HSPG2: variants seen among roughly 807,000 people sequenced by gnomAD.
HSPG2 encodes heparan sulfate proteoglycan 2, also known as basement membrane-specific heparan sulfate proteoglycan core protein.
In HSPG2, 278 loss-of-function variants were observed where a neutral mutation model predicts 526.6. The observed-to-expected ratio is 0.53, with a 90% CI of 0.48 to 0.58. HSPG2 has a LOEUF of 0.58. Ranked by LOEUF, HSPG2 falls within the 20% of genes least tolerant of loss-of-function variation. HSPG2 has a pLI of 0.00. For synonymous variants in HSPG2, 2,465 were observed against 2,555.4 expected, an observed-to-expected ratio of 0.96 and a Z score of 1.07; for missense variants, 5,354 against 6,099.5, an observed-to-expected ratio of 0.88 and a Z score of 4.07.
intron 21 of HSPG2, among the ~76,000 whole-genome samples, chr1:21,877,804 C>T (rs565244885): frequency 5.3e-4 from 81 of 152,242 alleles, no homozygotes; most frequent in Middle Eastern, 3.4e-3. Context: ...GGCCGATGCT[C>T]CCATTCCTAA....
rs139817278 is a variant in HSPG2 at position 21,922,527 on chromosome 1, TTGCTAGAGAGGG to T, written c.63+14616_63+14627del. Reference sequence around the variant, plus strand: ...GTGGAGGGAGCAGGAGAGAGTCCTGTTGCTAGAGAGGGTGCATCCCCCCACCACTTGAAGTAT... The same window carrying T: ...GTGGAGGGAGCAGGAGAGAGTCCTGTTGCATCCCCCCACCACTTGAAGTAT... On this transcript the variant is annotated intron_variant, in intron 1 of 96. Transcript: ENST00000374695. 0.015 allele frequency among the ~76,000 whole-genome samples: 2,355 copies of T among 152,216 alleles called. 84 individuals carry two copies. The East Asian group carries it at 0.17, about 11-fold the overall frequency.
intron 33 of HSPG2, among the ~76,000 whole-genome samples, chr1:21,871,268 T>TG (rs1352716462): frequency 5.4e-5 from 8 of 148,308 alleles, no homozygotes; most frequent in Non-Finnish European, 6.0e-5. Context: ...GTTTTTTTTT[T>TG]TTTTTTTTTG....
At chr1:21,905,757 T>C (rs1643346857) in intron 1 of HSPG2, among the ~76,000 whole-genome samples, 1 of 152,138 alleles carries the variant, frequency 6.6e-6, no homozygotes, top group Non-Finnish European at 1.5e-5. Context: ...AATAAATTGT[T>C]GAATTAATTA....
chr1:21,880,712 C>T lies in HSPG2; in HGVS notation c.1942G>A (p.Gly648Ser). 1 of 1,600,346 alleles carries T rather than the reference C, an allele frequency of 6.2e-7. No homozygotes were observed. Among genetic ancestry groups the T allele is most frequent in the Non-Finnish European group, 8.5e-7 (1 of 1,173,980 alleles). ...GCACCAGGTTGGGTGGGTGTGTGGC[C>T]TCGGGAGAGGAGGCGGTACCCGGCA... ...MGAGYRLLSR[G>S]HTPTQPGALN... The change falls in exon 15 of 97, where the codon GGC (glycine) becomes AGC (serine). Residue 648 changes from glycine (G) to serine (S), a missense_variant. Gly to Ser is a moderately conservative substitution (Grantham distance 56). Coordinates refer to ENST00000374695, the MANE Select transcript of HSPG2 (RefSeq NM_005529.7).
At chr1:21,860,753 G>C (rs562218795) in intron 39 of HSPG2, among the ~76,000 whole-genome samples, 4 of 152,286 alleles carry the variant, frequency 2.6e-5, no homozygotes, top group Admixed American at 1.3e-4. Flanking sequence ...CCAAAGTGCT[G>C]GGATTATAGG....
chr1:21,917,214 T>C (rs947372043), intron 1 of HSPG2, among the ~76,000 whole-genome samples: 3 of 151,936 alleles, frequency 2.0e-5, no homozygotes, highest in Non-Finnish European at 4.4e-5. Context: ...GGTGGATTGC[T>C]TGAGCCCAAG....
In HSPG2 at chr1:21,828,844, A is replaced by G; in HGVS notation, c.12228T>C (p.Cys4076=). 6.4e-7 allele frequency: 1 copy of G among 1,550,782 alleles called. No homozygotes were observed. The highest frequency in any genetic ancestry group is 8.7e-7 in the Non-Finnish European group (1 of 1,147,002). The stretch of plus-strand genomic sequence containing the variant: ...AGGAGGCTGCTCTTACCTCGCCCAC[A>G]CAGCCGCGGAAGTGAGCGCTCATGT... ...ATNMSAHFRG[C]VGEVSVNGKR... Residue 4076 remains cysteine (C), a synonymous_variant, in exon 88 of 97, where the codon TGT becomes TGC. Coordinates refer to ENST00000374695, the MANE Select transcript of HSPG2 (RefSeq NM_005529.7). This position sits in a 1 kb window ranked among gnomAD's most constrained non-coding sequence, Gnocchi z 6.0.
chr1:21,827,924 G>A lies in HSPG2; in HGVS notation c.12533-5C>T. 1 of 1,604,326 alleles carries A rather than the reference G, an allele frequency of 6.2e-7. No homozygotes were observed. The highest frequency in any genetic ancestry group is 8.5e-7 in the Non-Finnish European group (1 of 1,175,908). On this transcript the variant is annotated splice_polypyrimidine_tract_variant and splice_region_variant and intron_variant, in intron 90 of 96. Transcript: ENST00000374695. ...CTGCTATGCCATGTCCAGAGCCTATGGAGAAGGGCAGGGTCCAGTTGGTGG... is the reference window on the plus strand; with the variant it reads ...CTGCTATGCCATGTCCAGAGCCTATAGAGAAGGGCAGGGTCCAGTTGGTGG...
chr1:21,824,251 G>T lies in HSPG2; in HGVS notation c.12816-47C>A, dbSNP rs780522976. ...AAGTATGAGCTGGGGCAGGACCGGGGGGTGGGGTGCTGGGACCAGGGAAGG... is the reference window on the plus strand; with the variant it reads ...AAGTATGAGCTGGGGCAGGACCGGGTGGTGGGGTGCTGGGACCAGGGAAGG... On this transcript the variant is annotated intron_variant, in intron 94 of 96. Coordinates refer to ENST00000374695, the MANE Select transcript of HSPG2 (RefSeq NM_005529.7). The surrounding 1 kb of genome is among the most constrained non-coding windows in gnomAD (Gnocchi z 5.9). 3.7e-6 allele frequency: 6 copies of T among 1,612,898 alleles called. No individual in the cohort carries two copies. In the African/African-American group the frequency reaches 6.7e-5, roughly 18 times the overall value.
intron 75 of HSPG2, among the ~76,000 whole-genome samples, chr1:21,836,050 A>C (rs2098025231): frequency 6.6e-6 from 1 of 151,976 alleles, no homozygotes. Context: ...GTAGAACAGC[A>C]CGCAGTGTTG....
At chr1:21,933,544 C>A (rs573488691) in intron 1 of HSPG2, among the ~76,000 whole-genome samples, 1 of 152,380 alleles carries the variant, frequency 6.6e-6, no homozygotes, top group East Asian at 1.9e-4. Context: ...AACCCAGTCA[C>A]CTCCTGCCAC....
Position 21,879,812 on chromosome 1 carries a change from C to T in HSPG2, c.2343+295G>A, listed in dbSNP as rs565012249. On this transcript the variant is annotated intron_variant, in intron 17 of 96. Transcript: ENST00000374695. ...GGATTACAGGCGTACGCCACCACGC[C>T]TGGCTAATTTTTGTATTTTTAGTAG... is the stretch of plus-strand genomic sequence containing the variant. 3.3e-5 allele frequency among the ~76,000 whole-genome samples: 5 copies of T among 152,334 alleles called. No homozygotes were observed. The East Asian group carries it at 9.6e-4, about 29-fold the overall frequency.
chr1:21,854,147 G>A, intron 50 of HSPG2, 46 bp downstream of exon 50: 1 of 1,526,208 alleles, frequency 6.6e-7, no homozygotes, highest in Non-Finnish European at 8.8e-7. Flanking sequence ...TCTTCCTTGG[G>A]AGCTCCTAGG....
chr1:21,856,649 T>C (rs1192135963), intron 44 of HSPG2, among the ~76,000 whole-genome samples: 1 of 152,130 alleles, frequency 6.6e-6, no homozygotes, highest in Non-Finnish European at 1.5e-5. Context: ...ACTCCTGACC[T>C]CAAGTGATCC....
rs2097989814 is a variant in HSPG2, at chr1:21,829,015, C to T, written c.12057G>A (p.Glu4019=). ...ALGRWHRVSA[E]RLNKDGSLRV... is the part of the protein sequence containing the mutation. ...GCAGGCTGCCGTCCTTGTTGAGACG[C>T]TCTGCAGACACACGGTGCCAGCGGC... The change falls in exon 88 of 97, where the codon GAG becomes GAA. Residue 4019 remains glutamate (E), a synonymous_variant. Transcript: ENST00000374695. 6.4e-7 allele frequency: 1 copy of T among 1,559,934 alleles called. No homozygotes were observed. The highest frequency in any genetic ancestry group is 8.7e-7 in the Non-Finnish European group (1 of 1,152,788).
In HSPG2 at chr1:21,937,227, C is replaced by G; in HGVS notation, c.-10G>C. ...CCGCCCGCCACCCCATGGCCCGGCC[C>G]GCGCCGCTCTCTCGCTCGCTCGCTC... On this transcript the variant is annotated 5_prime_UTR_variant, in exon 1 of 97. Transcript: ENST00000374695. The G allele has an allele frequency of 2.0e-6, 2 of 1,009,150 alleles. No individual in the cohort carries two copies. Among genetic ancestry groups the G allele is most frequent in the Middle Eastern group, 4.8e-4 (1 of 2,090 alleles). The allele number at this position is 1,009,150 out of a possible 1,614,324, so 62.5% of individuals were successfully genotyped here. A position where few individuals can be genotyped will look rare whatever the true frequency, so the allele number is the denominator to read the frequency against.
intron 21 of HSPG2, among the ~76,000 whole-genome samples, chr1:21,877,899 C>G (rs1239291463): frequency 6.6e-6 from 1 of 152,210 alleles, no homozygotes; most frequent in East Asian, 1.9e-4. Flanking sequence ...ATCAATGTGA[C>G]AATGGACAAA....
intron 71 of HSPG2, among the ~76,000 whole-genome samples, 184 bp downstream of exon 71, chr1:21,840,917 C>G (rs1158409081): frequency 2.6e-5 from 4 of 152,052 alleles, no homozygotes; most frequent in Non-Finnish European, 1.5e-5. Flanking sequence ...CTTCTCCTAC[C>G]TTCCTTCTCT....
intron 71 of HSPG2, 74 bp downstream of exon 71, chr1:21,841,027 A>G: frequency 3.6e-6 from 5 of 1,402,048 alleles, no homozygotes; most frequent in South Asian, 1.2e-5. Flanking sequence ...ATCCACTACT[A>G]TCTCCTCCAA....
Sources: allele counts gnomAD v4.1 joint callset (sites outside exome capture counted in the v4.1 genomes callset), GRCh38; gene constraint gnomAD v4.1.1; non-coding constraint Gnocchi (gnomAD v3.1); transcripts MANE v1.5; gene names NCBI Gene and HGNC (gene_info 2026-07-23, HGNC 2026-07-21).